MLC1: variants seen among roughly 807,000 people sequenced by gnomAD.
The protein encoded by MLC1 is membrane protein MLC1.
A neutral mutation model predicts 44.7 loss-of-function variants in MLC1; 32 were observed. The ratio of observed to expected loss-of-function variants is 0.72; its 90% CI spans 0.54 to 0.96. MLC1 has a LOEUF of 0.96. Ranked by LOEUF, MLC1 falls within the 40% of genes least tolerant of loss-of-function variation. MLC1 has a pLI of 0.00. For synonymous variants in MLC1, 190 were observed against 213.0 expected, an observed-to-expected ratio of 0.89 and a Z score of 0.94; for missense variants, 459 against 492.2, an observed-to-expected ratio of 0.93 and a Z score of 0.64.
intron 8 of MLC1, among the ~76,000 whole-genome samples, chr22:50,071,653 C>T (rs2061855208): frequency 6.6e-6 from 1 of 152,192 alleles, no homozygotes; most frequent in Admixed American, 6.5e-5. Flanking sequence ...CTGCCCCTTC[C>T]TGATGACGCT....
At chr22:50,070,650 C>T in intron 8 of MLC1, 67 bp from the exon 9 acceptor site, 2 of 1,490,954 alleles carry the variant, frequency 1.3e-6, no homozygotes, top group Non-Finnish European at 1.8e-6. Flanking sequence ...CAAACATGTG[C>T]CCTCCCACCA....
upstream of MLC1, chr22:50,085,553 G>C (rs368643911): frequency 6.3e-6 from 1 of 157,484 alleles, no homozygotes; most frequent in East Asian, 1.8e-4. Context: ...CCACTGCCTC[G>C]GAGCTGTCAG....
At position 50,059,781 on chromosome 22, in the gene MLC1, G is replaced by A. The variant is rs9617139; in HGVS notation, c.*1802C>T. 2 of 152,344 alleles carry A rather than the reference G, an allele frequency of 1.3e-5. No individual in the cohort carries two copies. Among genetic ancestry groups the A allele is most frequent in the Non-Finnish European group, 2.9e-5 (2 of 68,052 alleles). The allele number at this position is 152,344 out of a possible 1,614,324, so 9.4% of individuals were successfully genotyped here. On this transcript the variant is annotated 3_prime_UTR_variant, in exon 12 of 12. Transcript: ENST00000311597. ...GGGGCTGTGGCCAAAGTGTTTGCCC[G>A]GCCCCTGACTGTGTCCTTCCGGAGC...
intron 8 of MLC1, among the ~76,000 whole-genome samples, chr22:50,071,094 T>C (rs1013265771): frequency 1.3e-5 from 2 of 151,354 alleles, no homozygotes; most frequent in African/African-American, 4.9e-5. Flanking sequence ...AATTTTTTAA[T>C]AATTTTTCTT....
rs281875313 is a variant in MLC1, at chr22:50,064,134, G to T, written c.959C>A (p.Thr320Lys). The change falls in exon 11 of 12, where the codon ACG (threonine) becomes AAG (lysine). Residue 320 changes from threonine (T) to lysine (K), a missense_variant. Thr to Lys is a moderately conservative substitution (Grantham distance 78). Transcript: ENST00000311597. ...LVLLLQAGLN[T>K]GTAIQCVRFK... ...GCGCACGCACTGGATGGCGGTGCCC[G>T]TGTTGAGGCCGGCCTGCAGCAGGAG... 1.9e-6 allele frequency: 3 copies of T among 1,609,200 alleles called. No individual in the cohort carries two copies. In the South Asian group the frequency reaches 3.3e-5, roughly 18 times the overall value.
chr22:50,079,917 C>A lies in MLC1; in HGVS notation c.423+1G>T, dbSNP rs752428321. ...TCTGCGCGAAGCTCGTGTGAACTCA[C>A]GTTTATTGCTGATGGGTTCAGGACT... On this transcript the variant is annotated splice_donor_variant, in intron 5 of 11. Transcript: ENST00000311597. LOFTEE classifies it high-confidence loss of function. 2.5e-6 allele frequency: 4 copies of A among 1,608,192 alleles called. No individual in the cohort carries two copies. The highest frequency in any genetic ancestry group is 1.3e-5 in the African/African-American group (1 of 74,910).
At chr22:50,062,316 G>A in intron 11 of MLC1, among the ~76,000 whole-genome samples, 1 of 149,424 alleles carries the variant, frequency 6.7e-6, no homozygotes, top group Non-Finnish European at 1.5e-5. Context: ...CGCCCACCCT[G>A]AGCCCCAGCC....
chr22:50,073,835 T>G (rs1463244667), intron 8 of MLC1, among the ~76,000 whole-genome samples: 1 of 152,352 alleles, frequency 6.6e-6, no homozygotes, highest in South Asian at 2.1e-4. Context: ...TAACATTTAA[T>G]GTAAAGTAAT....
rs763658804 is a variant in MLC1 at position 50,064,053 on chromosome 22, T to A, written c.1040A>T (p.Gln347Leu). The change falls in exon 11 of 12, where the codon CAG (glutamine) becomes CTG (leucine). Residue 347 changes from glutamine (Q) to leucine (L), a missense_variant. Gln to Leu is a moderately radical substitution (Grantham distance 113). Coordinates refer to ENST00000311597, the MANE Select transcript of MLC1 (RefSeq NM_015166.4). The part of the protein sequence containing the change: ...GASWDTQNGP[Q>L]ERLAGEVARS... The stretch of plus-strand genomic sequence containing the variant: ...ACTCACCTCCCCAGCCAGGCGCTCC[T>A]GCGGGCCGTTCTGGGTGTCCCAGGA... 1.3e-6 allele frequency: 2 copies of A among 1,537,652 alleles called. No homozygotes were observed. The highest frequency in any genetic ancestry group is 4.7e-5 in the East Asian group (2 of 42,718).
At chr22:50,063,479 A>AG (rs1210973062) in intron 11 of MLC1, among the ~76,000 whole-genome samples, 1 of 150,976 alleles carries the variant, frequency 6.6e-6, no homozygotes, top group East Asian at 1.9e-4. Flanking sequence ...TCTCAAAAAA[A>AG]AAAAAAAAAA....
chr22:50,076,978 C>T (rs1401997745), intron 6 of MLC1, 66 bp from the exon 7 acceptor site: 1 of 1,581,184 alleles, frequency 6.3e-7, no homozygotes, highest in Non-Finnish European at 8.7e-7. Context: ...CCGCTGGCAT[C>T]CGGCCGCCGT....
chr22:50,082,499 C>A (rs779483386), intron 3 of MLC1, among the ~76,000 whole-genome samples: 1 of 152,250 alleles, frequency 6.6e-6, no homozygotes, highest in Non-Finnish European at 1.5e-5. Flanking sequence ...CCCCTGAGGG[C>A]AGATGCTGCC....
chr22:50,066,965 C>T (rs559209146), intron 10 of MLC1, among the ~76,000 whole-genome samples: 6 of 152,314 alleles, frequency 3.9e-5, no homozygotes, highest in Admixed American at 1.3e-4. Context: ...AAGGGGCCGA[C>T]TTCGATGGCG....
At chr22:50,064,306 G>A (rs1050342490) in intron 10 of MLC1, 108 bp from the exon 11 acceptor site, 38 of 1,364,920 alleles carry the variant, frequency 2.8e-5, no homozygotes, top group South Asian at 1.8e-4. Flanking sequence ...GCCAGGGCTC[G>A]AGTCGGAGCC....
intron 10 of MLC1, 55 bp from the exon 11 acceptor site, chr22:50,064,253 G>T (rs1221184354): frequency 2.5e-5 from 39 of 1,546,710 alleles, no homozygotes; most frequent in Non-Finnish European, 3.3e-5. Flanking sequence ...CAGCCCAGGA[G>T]ACCAAAGCTC....
intron 10 of MLC1, among the ~76,000 whole-genome samples, chr22:50,065,442 A>C (rs1724901785): frequency 6.6e-6 from 1 of 152,170 alleles, no homozygotes; most frequent in South Asian, 2.1e-4. Context: ...CTTTCACATA[A>C]CAAAAATCAC....
Position 50,064,066 on chromosome 22 carries a change from G to A in MLC1, c.1027C>T (p.Gln343Ter), listed in dbSNP as rs2146771412. The A allele has an allele frequency of 6.4e-7, 1 of 1,569,404 alleles. No homozygotes were observed. Among genetic ancestry groups the A allele is most frequent in the Non-Finnish European group, 8.6e-7 (1 of 1,160,830 alleles). Residue 343 changes from glutamine to a stop codon, truncating the protein, a stop_gained, in exon 11 of 12, where the codon CAG (glutamine) becomes TAG (stop). Transcript: ENST00000311597. LOFTEE classifies it high-confidence loss of function. ...ARLQGASWDT[Q>*]NGPQERLAGE... The stretch of plus-strand genomic sequence containing the variant: ...GCCAGGCGCTCCTGCGGGCCGTTCT[G>A]GGTGTCCCAGGATGCACCCTGCAGC...
intron 8 of MLC1, among the ~76,000 whole-genome samples, chr22:50,073,735 C>CA (rs34422410): frequency 6.6e-6 from 1 of 151,660 alleles, no homozygotes; most frequent in African/African-American, 2.4e-5. Flanking sequence ...GACTCCATCT[C>CA]AAAAAAATAA....
intron 11 of MLC1, among the ~76,000 whole-genome samples, chr22:50,062,395 G>A (rs2061590727): frequency 1.3e-5 from 2 of 152,142 alleles, no homozygotes; most frequent in African/African-American, 2.4e-5. Flanking sequence ...TCTGACTCTG[G>A]GCCTTGCTGG....
Sources: allele counts gnomAD v4.1 joint callset (sites outside exome capture counted in the v4.1 genomes callset), GRCh38; gene constraint gnomAD v4.1.1; transcripts MANE v1.5; gene names NCBI Gene and HGNC (gene_info 2026-07-23, HGNC 2026-07-21).